Variants in CSMD1 observed in about 807,000 individuals in gnomAD.
The protein encoded by CSMD1 is CUB and Sushi multiple domains 1.
Under a neutral mutation model 417.5 loss-of-function variants are expected in CSMD1, and 213 were observed. The observed-to-expected ratio is 0.51, with a 90% CI of 0.46 to 0.57. The LOEUF is 0.57. Among genes scored for constraint, CSMD1 ranks in the 20% least tolerant of loss-of-function variants. The probability of loss-of-function intolerance (pLI) is 0.00; values close to 1 mark genes in which losing one functional copy is unlikely to be tolerated. For synonymous variants in CSMD1, 2,862 were observed against 1,736.8 expected, an observed-to-expected ratio of 1.65 and a Z score of -16.11; for missense variants, 6,923 against 4,529.7, an observed-to-expected ratio of 1.53 and a Z score of -15.17.
intron 3 of CSMD1, among the ~76,000 whole-genome samples, chr8:4,198,397 T>C (rs1245770111): frequency 6.6e-6 from 1 of 152,166 alleles, no homozygotes; most frequent in Non-Finnish European, 1.5e-5. Flanking sequence ...ACAGAGACTT[T>C]TCAGAATTTT....
intron 38 of CSMD1, among the ~76,000 whole-genome samples, chr8:3,160,419 G>A (rs1384041974): frequency 3.3e-5 from 5 of 152,092 alleles, no homozygotes; most frequent in African/African-American, 9.7e-5. Flanking sequence ...CACTGCAACC[G>A]GCCTAGGATA....
At chr8:3,480,195 T>C (rs1486227892) in intron 11 of CSMD1, among the ~76,000 whole-genome samples, 1 of 151,880 alleles carries the variant, frequency 6.6e-6, no homozygotes, top group Non-Finnish European at 1.5e-5. Flanking sequence ...CCCATCTTTA[T>C]TAAAATACAA....
intron 7 of CSMD1, among the ~76,000 whole-genome samples, chr8:3,661,747 C>T (rs2623627): frequency 0.61 from 92,751 of 151,534 alleles, 28,855 homozygotes; most frequent in African/African-American, 0.72. Context: ...TTCACCCGCC[C>T]TGGCTTCCCA....
intron 10 of CSMD1, among the ~76,000 whole-genome samples, chr8:3,551,224 A>G (rs1296534276): frequency 2.0e-5 from 3 of 152,230 alleles, no homozygotes; most frequent in Admixed American, 6.5e-5. Context: ...TAAAGTTTCT[A>G]AAGCATGTAA....
intron 10 of CSMD1, among the ~76,000 whole-genome samples, chr8:3,532,965 TACAATC>T (rs1385857924): frequency 6.6e-6 from 1 of 152,214 alleles, no homozygotes; most frequent in African/African-American, 2.4e-5. Context: ...TAGAGTCTCA[TACAATC>T]ACCTCATTTT....
At chr8:4,366,643 C>G (rs1186305015) in intron 3 of CSMD1, among the ~76,000 whole-genome samples, 2 of 151,940 alleles carry the variant, frequency 1.3e-5, no homozygotes, top group African/African-American at 4.8e-5. Context: ...GAGATGGTAT[C>G]TCATCGTGGT....
At chr8:3,157,223 G>A (rs1274228706) in intron 39 of CSMD1, among the ~76,000 whole-genome samples, 1 of 152,000 alleles carries the variant, frequency 6.6e-6, no homozygotes, top group East Asian at 1.9e-4. Flanking sequence ...GGTGAAGCTG[G>A]GGGCCTGAAT....
Position 3,512,224 on chromosome 8 carries a change from C to T in CSMD1, c.1345-18498G>A, listed in dbSNP as rs576401405. 8.5e-5 allele frequency among the ~76,000 whole-genome samples: 13 copies of T among 152,332 alleles called. No homozygotes were observed. In the South Asian group the frequency reaches 1.9e-3, roughly 22 times the overall value. ...CCACCTAATTTACCACCGCTCCTCG[C>T]GGGTCCACGTGCAGAACCATGCTGC... On this transcript the variant is annotated intron_variant, in intron 10 of 69. Coordinates refer to ENST00000635120, the MANE Select transcript of CSMD1 (RefSeq NM_033225.6).
At chr8:3,316,695 G>A (rs541726628) in intron 23 of CSMD1, among the ~76,000 whole-genome samples, 94 of 152,242 alleles carry the variant, frequency 6.2e-4, no homozygotes, top group Non-Finnish European at 1.2e-3. Flanking sequence ...TGGCGGTTGT[G>A]ATGGAGACAG....
chr8:3,913,224 G>A (rs957884794), intron 5 of CSMD1, among the ~76,000 whole-genome samples: 2 of 152,088 alleles, frequency 1.3e-5, no homozygotes, highest in African/African-American at 4.8e-5. Flanking sequence ...TATCAGGGTT[G>A]GAATAAACAT....
intron 5 of CSMD1, among the ~76,000 whole-genome samples, chr8:3,900,366 G>A (rs777527454): frequency 1.3e-5 from 2 of 151,796 alleles, no homozygotes; most frequent in African/African-American, 2.4e-5. Context: ...TGACAGCACA[G>A]CTGTGTGACA....
chr8:3,614,473 A>G (rs1454381484), intron 8 of CSMD1, among the ~76,000 whole-genome samples: 1 of 152,184 alleles, frequency 6.6e-6, no homozygotes, highest in Non-Finnish European at 1.5e-5. Context: ...CACCTAGGAT[A>G]TGATTAAAAC....
At position 3,694,436 on chromosome 8, in the gene CSMD1, G is replaced by C. The variant is rs541311445; in HGVS notation, c.1009+13978C>G. On this transcript the variant is annotated intron_variant, in intron 7 of 69. Coordinates refer to ENST00000635120, the MANE Select transcript of CSMD1 (RefSeq NM_033225.6). ...CACCAGGGAGTAACTGTGTCAGGCA[G>C]ACAGCTGCATACATGAGTCTGGGAA... 1.1e-3 allele frequency among the ~76,000 whole-genome samples: 169 copies of C among 152,292 alleles called. 1 individual carries two copies. The highest frequency in any genetic ancestry group is 3.9e-3 in the African/African-American group (163 of 41,574).
intron 5 of CSMD1, among the ~76,000 whole-genome samples, chr8:3,804,030 C>T (rs1374983146): frequency 2.6e-5 from 4 of 152,064 alleles, no homozygotes; most frequent in South Asian, 2.1e-4. Context: ...TGAGTTCAAG[C>T]GATTCTTCTT....
rs2929494 is a variant in CSMD1, at chr8:3,816,385, C to G, written c.819-62343G>C. ...ACAGCAGGAAAAGATATTCTGAGAG[C>G]AAGATGGAGAAGCAGACCACATTCA... is the stretch of plus-strand genomic sequence containing the variant. On this transcript the variant is annotated intron_variant, in intron 5 of 69. Coordinates refer to ENST00000635120, the MANE Select transcript of CSMD1 (RefSeq NM_033225.6). Among the ~76,000 whole-genome samples, 8 of 152,098 alleles carry G rather than the reference C, an allele frequency of 5.3e-5. No homozygotes were observed. The South Asian group carries it at 1.2e-3, about 24-fold the overall frequency.
At chr8:3,911,446 T>G (rs990640849) in intron 5 of CSMD1, among the ~76,000 whole-genome samples, 1 of 150,582 alleles carries the variant, frequency 6.6e-6, no homozygotes, top group African/African-American at 2.4e-5. Context: ...GAGAATGGCG[T>G]GAACCCGCGA....
chr8:2,991,776 G>A (rs1216441200), intron 54 of CSMD1, among the ~76,000 whole-genome samples: 1 of 152,188 alleles, frequency 6.6e-6, no homozygotes, highest in Non-Finnish European at 1.5e-5. Context: ...TTGGTCTATG[G>A]CTGTATTTCC....
chr8:4,313,478 G>C (rs1302946946), intron 3 of CSMD1, among the ~76,000 whole-genome samples: 1 of 139,036 alleles, frequency 7.2e-6, no homozygotes, highest in Non-Finnish European at 1.5e-5. Context: ...GGAACCCGAA[G>C]AGCTCCCAAA....
chr8:4,440,323 T>C (rs888911353), intron 2 of CSMD1, among the ~76,000 whole-genome samples: 1 of 152,304 alleles, frequency 6.6e-6, no homozygotes, highest in South Asian at 2.1e-4. Context: ...GAAAGTCTAT[T>C]AACTGGGAAG....
Sources: gnomAD v4.1 joint callset for allele counts (sites outside exome capture counted in the v4.1 genomes callset) on GRCh38, gnomAD v4.1.1 for gene constraint, MANE v1.5 for transcripts, NCBI Gene and HGNC (gene_info 2026-07-23, HGNC 2026-07-21) for gene names.